The following XKR4 variants were observed in gnomAD, a reference collection of about 807,000 sequenced individuals.
The protein encoded by XKR4 is XK related 4.
A neutral mutation model predicts 53.9 loss-of-function variants in XKR4; 12 were observed. That is an observed-to-expected ratio of 0.22 (90% CI 0.14 to 0.36). The LOEUF (loss-of-function observed/expected upper bound fraction) is 0.36, where lower values mean the gene tolerates loss of function less well. Ranked by LOEUF, XKR4 falls within the 10% of genes least tolerant of loss-of-function variation. The pLI, the probability that XKR4 is intolerant of heterozygous loss-of-function variation, is 1.00. For synonymous variants in XKR4, 354 were observed against 362.4 expected (o/e 0.98, Z 0.26); for missense variants, 799 against 859.5 (o/e 0.93, Z 0.88).
chr8:55,364,113 G>C (rs758548000), intron 2 of XKR4, among the ~76,000 whole-genome samples: 16 of 152,170 alleles, frequency 1.1e-4, no homozygotes, highest in Non-Finnish European at 2.2e-4. Context: ...CAGCTCACCT[G>C]CTCCGGGAAG....
At chr8:55,160,482 T>C (rs1816968886) in intron 1 of XKR4, among the ~76,000 whole-genome samples, 1 of 152,112 alleles carries the variant, frequency 6.6e-6, no homozygotes, top group Non-Finnish European at 1.5e-5. Context: ...GATTTCAGAT[T>C]GGTTGCTAAC....
rs953523662 is a variant in XKR4 at position 55,528,883 on chromosome 8, T to G, written c.*4656T>G. On this transcript the variant is annotated 3_prime_UTR_variant, in exon 3 of 3. Coordinates refer to ENST00000327381, the MANE Select transcript of XKR4 (RefSeq NM_052898.2). ...TGGGCGATTCCGCTCTATCCCCCAT[T>G]TCTGAGACTCTTGTCTGGACCTGTA... The G allele has an allele frequency of 3.3e-5, 5 of 151,858 alleles. No individual in the cohort carries two copies. Among genetic ancestry groups the G allele is most frequent in the African/African-American group, 1.2e-4 (5 of 41,280 alleles). The allele number at this position is 151,858 out of a possible 1,614,324, so 9.4% of individuals were successfully genotyped here.
chr8:55,104,915 A>G (rs895918852), intron 1 of XKR4, among the ~76,000 whole-genome samples: 1 of 152,346 alleles, frequency 6.6e-6, no homozygotes, highest in African/African-American at 2.4e-5. Flanking sequence ...ACTGGCTAGG[A>G]TGCATCTGAT....
chr8:55,230,877 G>A (rs1290434805), intron 1 of XKR4, among the ~76,000 whole-genome samples: 1 of 152,154 alleles, frequency 6.6e-6, no homozygotes, highest in African/African-American at 2.4e-5. Flanking sequence ...GGTGCTCGGA[G>A]TAGGAGAGAG....
At chr8:55,277,673 G>A (rs1818783251) in intron 1 of XKR4, among the ~76,000 whole-genome samples, 1 of 152,122 alleles carries the variant, frequency 6.6e-6, no homozygotes, top group African/African-American at 2.4e-5. Flanking sequence ...AGATGTTGGA[G>A]CATTTTGCAT....
chr8:55,124,204 C>T (rs1305962486), intron 1 of XKR4, among the ~76,000 whole-genome samples: 6 of 152,194 alleles, frequency 3.9e-5, no homozygotes, highest in Admixed American at 6.5e-5. Flanking sequence ...GGCGACGCTG[C>T]TCACTCTCCA....
intron 1 of XKR4, among the ~76,000 whole-genome samples, chr8:55,205,915 G>C (rs2129362863): frequency 6.6e-6 from 1 of 152,276 alleles, no homozygotes; most frequent in East Asian, 1.9e-4. Context: ...CAGATGTTCA[G>C]ATGTGTCCGG....
chr8:55,269,019 G>A (rs1285020134), intron 1 of XKR4, among the ~76,000 whole-genome samples: 1 of 152,146 alleles, frequency 6.6e-6, no homozygotes, highest in African/African-American at 2.4e-5. Context: ...GCCACTTATG[G>A]AGTACCTCAG....
intron 2 of XKR4, among the ~76,000 whole-genome samples, chr8:55,372,804 G>A (rs1025268105): frequency 2.6e-5 from 4 of 152,090 alleles, no homozygotes; most frequent in Admixed American, 6.6e-5. Context: ...TTAAAAACCA[G>A]GATCACTTCC....
chr8:55,250,698 C>T (rs1036815183), intron 1 of XKR4, among the ~76,000 whole-genome samples: 1 of 152,154 alleles, frequency 6.6e-6, no homozygotes, highest in Admixed American at 6.5e-5. Flanking sequence ...TCTTTGGCTG[C>T]TCATCATCTT....
intron 1 of XKR4, among the ~76,000 whole-genome samples, chr8:55,248,929 TG>T (rs1328526526): frequency 1.3e-5 from 2 of 152,104 alleles, no homozygotes; most frequent in African/African-American, 4.8e-5. Flanking sequence ...TCTGGGACCT[TG>T]ATTTGGCAAA....
chr8:55,463,724 G>GC (rs1205745057), intron 2 of XKR4, among the ~76,000 whole-genome samples: 1 of 151,778 alleles, frequency 6.6e-6, no homozygotes, highest in East Asian at 1.9e-4. Flanking sequence ...TTGATAGACC[G>GC]CTAGCAAGAC....
At chr8:55,230,787 T>C (rs1174249117) in intron 1 of XKR4, among the ~76,000 whole-genome samples, 1 of 152,254 alleles carries the variant, frequency 6.6e-6, no homozygotes, top group Non-Finnish European at 1.5e-5. Flanking sequence ...CTCAAACCAC[T>C]GGTCACCTTT....
At chr8:55,330,850 G>A (rs894944797) in intron 1 of XKR4, among the ~76,000 whole-genome samples, 2 of 152,122 alleles carry the variant, frequency 1.3e-5, no homozygotes, top group African/African-American at 4.8e-5. Flanking sequence ...AAGGACTGCA[G>A]TATTGGCTCA....
chr8:55,276,008 A>G (rs950117458), intron 1 of XKR4, among the ~76,000 whole-genome samples: 6 of 152,210 alleles, frequency 3.9e-5, no homozygotes, highest in Non-Finnish European at 8.8e-5. Flanking sequence ...CCTTGTTTAC[A>G]TATTAACTCT....
intron 2 of XKR4, among the ~76,000 whole-genome samples, chr8:55,439,230 C>T (rs1585573253): frequency 1.3e-5 from 2 of 152,002 alleles, no homozygotes; most frequent in East Asian, 1.9e-4. Flanking sequence ...TATCCCCAAG[C>T]ACTCATCAGA....
intron 1 of XKR4, among the ~76,000 whole-genome samples, chr8:55,351,786 C>T (rs1324168673): frequency 6.6e-6 from 1 of 152,224 alleles, no homozygotes; most frequent in East Asian, 1.9e-4. Flanking sequence ...AATGCCCCTA[C>T]TTTTCTCCTG....
chr8:55,488,446 T>TGGTA (rs1316055397), intron 2 of XKR4, among the ~76,000 whole-genome samples: 1 of 128,162 alleles, frequency 7.8e-6, no homozygotes, highest in Non-Finnish European at 1.6e-5. Context: ...GGATGTCCTT[T>TGGTA]GATAGATAAA....
At chr8:55,250,367 A>G (rs1818347307) in intron 1 of XKR4, among the ~76,000 whole-genome samples, 1 of 152,248 alleles carries the variant, frequency 6.6e-6, no homozygotes, top group Non-Finnish European at 1.5e-5. Context: ...AGATCCTCAG[A>G]AATATCTAAA....
Sources: allele counts gnomAD v4.1 joint callset (sites outside exome capture counted in the v4.1 genomes callset), GRCh38; gene constraint gnomAD v4.1.1; transcripts MANE v1.5; gene names NCBI Gene and HGNC (gene_info 2026-07-23, HGNC 2026-07-21).